The following CAMSAP2 variants were observed in gnomAD, a reference collection of about 807,000 sequenced individuals.
The protein encoded by CAMSAP2 is calmodulin regulated spectrin associated protein family member 2.
A neutral mutation model predicts 146.1 loss-of-function variants in CAMSAP2; 26 were observed. The ratio of observed to expected loss-of-function variants is 0.18; its 90% CI spans 0.13 to 0.25. The LOEUF (loss-of-function observed/expected upper bound fraction) is 0.25, where lower values mean the gene tolerates loss of function less well. Ranked by LOEUF, CAMSAP2 falls within the 10% of genes least tolerant of loss-of-function variation. The pLI is 1.00. For missense variants in CAMSAP2, 1,381 were observed against 1,759.3 expected (o/e 0.78, Z 3.85); for synonymous variants, 499 against 596.6 (o/e 0.84, Z 2.38).
intron 1 of CAMSAP2, among the ~76,000 whole-genome samples, chr1:200,740,654 C>A (rs1252039671): frequency 6.6e-6 from 1 of 152,138 alleles, no homozygotes; most frequent in Admixed American, 6.6e-5. Context: ...AACAAAAACT[C>A]CCTACTTTGG....
Position 200,857,996 on chromosome 1 carries a change from T to C in CAMSAP2, c.4374T>C (p.His1458=), listed in dbSNP as rs374770318. 11 of 1,613,460 alleles carry C rather than the reference T, an allele frequency of 6.8e-6. No homozygotes were observed. The highest frequency in any genetic ancestry group is 7.6e-6 in the Non-Finnish European group (9 of 1,179,712). The change falls in exon 17 of 17, where the codon CAT becomes CAC. Residue 1458 remains histidine (H), a synonymous_variant. Coordinates refer to ENST00000358823, the MANE Select transcript of CAMSAP2 (RefSeq NM_203459.4). The surrounding 1 kb of genome is among the most constrained non-coding windows in gnomAD (Gnocchi z 4.7). ...CCAGTGTTGATGCAATTACCATTCATAGCCATTTATGGCAGACCAAAAGAC... is the reference window on the plus strand; with the variant it reads ...CCAGTGTTGATGCAATTACCATTCACAGCCATTTATGGCAGACCAAAAGAC... The part of the protein sequence containing the change: ...LSASVDAITI[H]SHLWQTKRPV...
chr1:200,790,867 G>A (rs778697668), intron 2 of CAMSAP2, among the ~76,000 whole-genome samples: 6 of 150,922 alleles, frequency 4.0e-5, no homozygotes, highest in Non-Finnish European at 5.9e-5. Context: ...TTTTTGAGAC[G>A]GAGTTTTGCT....
chr1:200,837,509 T>C (rs1213460654), intron 6 of CAMSAP2, among the ~76,000 whole-genome samples: 3 of 152,220 alleles, frequency 2.0e-5, no homozygotes, highest in Non-Finnish European at 2.9e-5. Context: ...GGTAACATGA[T>C]GCCTCCTGCT....
At position 200,749,910 on chromosome 1, in the gene CAMSAP2, C is replaced by T. The variant is rs889123614; in HGVS notation, c.139+9944C>T. The stretch of plus-strand genomic sequence containing the variant: ...CATTCCAGAGAATGTGAAAAGGCTC[C>T]GGAGTGGAAGAGAGCATGGTTTCCA... On this transcript the variant is annotated intron_variant, in intron 1 of 16. Transcript: ENST00000358823. 2.6e-5 allele frequency among the ~76,000 whole-genome samples: 4 copies of T among 152,158 alleles called. 1 individual carries two copies. The East Asian group carries it at 5.8e-4, about 22-fold the overall frequency.
chr1:200,768,649 CT>C (rs985486925), intron 2 of CAMSAP2, among the ~76,000 whole-genome samples: 11 of 150,932 alleles, frequency 7.3e-5, no homozygotes, highest in African/African-American at 2.4e-4. Context: ...GTGGGAGAGA[CT>C]TTTTTTTTGT....
chr1:200,860,224 CTTTT>C lies in CAMSAP2; in HGVS notation c.*2170_*2173del, dbSNP rs1008831035. 1 of 152,338 alleles carries C rather than the reference CTTTT, an allele frequency of 6.6e-6. No individual in the cohort carries two copies. Among genetic ancestry groups the C allele is most frequent in the African/African-American group, 2.4e-5 (1 of 41,334 alleles). The allele number at this position is 152,338 out of a possible 1,614,324, so 9.4% of individuals were successfully genotyped here. On this transcript the variant is annotated 3_prime_UTR_variant, in exon 17 of 17. Transcript: ENST00000358823. ...TGCAGATTTTTTTATTATGGTGCAGCTTTTTTTTAATTATGTTTTTAAAATTATA... is the reference window on the plus strand; with the variant it reads ...TGCAGATTTTTTTATTATGGTGCAGCTTTTAATTATGTTTTTAAAATTATA...
At position 200,848,909 on chromosome 1, in the gene CAMSAP2, C is replaced by T; in HGVS notation, c.2140C>T (p.Pro714Ser). Residue 714 changes from proline (P) to serine (S), a missense_variant, in exon 11 of 17, where the codon CCA becomes TCA. Transcript: ENST00000358823. The part of the protein sequence containing the change: ...SSGSSSQKTT[P>S]EGSELNIPHV... ...TGGAAGCAGTTCTCAAAAAACTACA[C>T]CAGAAGGCTCTGAACTTAATATTCC... 1 of 1,614,138 alleles carries T rather than the reference C, an allele frequency of 6.2e-7. No homozygotes were observed. The highest frequency in any genetic ancestry group is 8.5e-7 in the Non-Finnish European group (1 of 1,180,014).
At chr1:200,740,047 C>T in intron 1 of CAMSAP2, 81 bp downstream of exon 1, 1 of 1,490,314 alleles carries the variant, frequency 6.7e-7, no homozygotes, top group Non-Finnish European at 9.3e-7. Context: ...TCTCGAATCC[C>T]TCCCTCCCCG....
intron 2 of CAMSAP2, among the ~76,000 whole-genome samples, chr1:200,785,466 G>A (rs1377189814): frequency 6.8e-6 from 1 of 146,874 alleles, no homozygotes; most frequent in Non-Finnish European, 1.5e-5. Flanking sequence ...TTGGCTCACT[G>A]CAACCTCTGC....
At chr1:200,826,211 A>T (rs1666902988) in intron 4 of CAMSAP2, among the ~76,000 whole-genome samples, 1 of 152,006 alleles carries the variant, frequency 6.6e-6, no homozygotes, top group Non-Finnish European at 1.5e-5. Context: ...TGGGAGGTTC[A>T]CTTGAGGTCA....
intron 1 of CAMSAP2, among the ~76,000 whole-genome samples, chr1:200,755,961 G>A (rs1664636757): frequency 6.6e-6 from 1 of 152,148 alleles, no homozygotes. Context: ...GAACATTAGA[G>A]GCAGAAGGCC....
chr1:200,758,091 A>G (rs1413980148), intron 1 of CAMSAP2, among the ~76,000 whole-genome samples: 1 of 152,260 alleles, frequency 6.6e-6, no homozygotes, highest in South Asian at 2.1e-4. Flanking sequence ...GAGGGTTGTC[A>G]GAATTAAATG....
At chr1:200,784,648 G>A (rs536139741) in intron 2 of CAMSAP2, among the ~76,000 whole-genome samples, 2 of 152,036 alleles carry the variant, frequency 1.3e-5, no homozygotes, top group East Asian at 1.9e-4. Flanking sequence ...ATGTTTTTGT[G>A]GATTTGTCAG....
chr1:200,779,497 T>G (rs979682986), intron 2 of CAMSAP2, among the ~76,000 whole-genome samples: 7 of 152,128 alleles, frequency 4.6e-5, no homozygotes, highest in African/African-American at 1.4e-4. Context: ...CAGGGAGATA[T>G]GGGCTTGAGA....
In CAMSAP2 at chr1:200,785,128, CT is replaced by C. The variant is rs552787328; in HGVS notation, c.400-22244del. The stretch of plus-strand genomic sequence containing the variant: ...CTCAGTTGGTCACGGTAAATTATCT[CT>C]TTTATATATTGTTAGGTTTAATTTG... On this transcript the variant is annotated intron_variant, in intron 2 of 16. Coordinates refer to ENST00000358823, the MANE Select transcript of CAMSAP2 (RefSeq NM_203459.4). Among the ~76,000 whole-genome samples, 165 of 152,174 alleles carry C rather than the reference CT, an allele frequency of 1.1e-3. 1 individual carries two copies. The highest frequency in any genetic ancestry group is 3.9e-3 in the African/African-American group (162 of 41,532).
At chr1:200,842,703 C>G (rs1411945778) in intron 7 of CAMSAP2, among the ~76,000 whole-genome samples, 1 of 151,954 alleles carries the variant, frequency 6.6e-6, no homozygotes, top group South Asian at 2.1e-4. Context: ...AGGCTGGGTG[C>G]GGTGGCTCAC....
intron 2 of CAMSAP2, among the ~76,000 whole-genome samples, chr1:200,793,170 T>G (rs1665799412): frequency 6.6e-6 from 1 of 152,112 alleles, no homozygotes; most frequent in South Asian, 2.1e-4. Flanking sequence ...CTTTATAACA[T>G]TTCTAAAACT....
intron 4 of CAMSAP2, among the ~76,000 whole-genome samples, chr1:200,817,249 TATGTGTGTGTATATACA>T (rs1558192349): frequency 8.3e-4 from 9 of 10,874 alleles, no homozygotes; most frequent in African/African-American, 2.9e-3. Flanking sequence ...CATACACACA[TATGTGTGTGTATATACA>T]CACATATATA....
rs540847853 is a variant in CAMSAP2 at position 200,739,620 on chromosome 1, A to AGCGGCGGCG, written c.-193_-185dup. The stretch of plus-strand genomic sequence containing the variant: ...GCGCCGCCACATTCCTATGCCCGGG[A>AGCGGCGGCG]GCGGCGGCGGCGGCGGCGGCGGCTC... On this transcript the variant is annotated 5_prime_UTR_variant, in exon 1 of 17. Coordinates refer to ENST00000358823, the MANE Select transcript of CAMSAP2 (RefSeq NM_203459.4). The surrounding 1 kb of genome is among the most constrained non-coding windows in gnomAD (Gnocchi z 4.8). 3.3e-6 allele frequency: 1 copy of AGCGGCGGCG among 304,300 alleles called. No individual in the cohort carries two copies. The highest frequency in any genetic ancestry group is 5.7e-6 in the Non-Finnish European group (1 of 176,662). 18.8% of individuals were successfully genotyped at this position (304,300 alleles called of 1,614,324 possible).
Sources: allele counts gnomAD v4.1 joint callset (sites outside exome capture counted in the v4.1 genomes callset), GRCh38; gene constraint gnomAD v4.1.1; non-coding constraint Gnocchi (gnomAD v3.1); transcripts MANE v1.5; gene names NCBI Gene and HGNC (gene_info 2026-07-23, HGNC 2026-07-21).